TMEM131: variants seen among roughly 807,000 people sequenced by gnomAD.
TMEM131 encodes the protein 2610524E03Rik.
Under a neutral mutation model 211.6 loss-of-function variants are expected in TMEM131, and 66 were observed. The ratio of observed to expected loss-of-function variants is 0.31; its 90% CI spans 0.26 to 0.38. The LOEUF is 0.38. Among genes scored for constraint, TMEM131 ranks in the 10% least tolerant of loss-of-function variants. TMEM131 has a pLI of 1.00. For synonymous variants in TMEM131, 844 were observed against 841.3 expected (o/e 1.00, Z -0.06); for missense variants, 2,036 against 2,299.3 (o/e 0.89, Z 2.34).
intron 11 of TMEM131, among the ~76,000 whole-genome samples, chr2:97,831,490 T>C (rs1682685560): frequency 6.6e-6 from 1 of 152,130 alleles, no homozygotes; most frequent in South Asian, 2.1e-4. Flanking sequence ...AGTTTGGGCT[T>C]TGGATATTAT....
chr2:97,844,753 A>C (rs564228443), intron 5 of TMEM131, among the ~76,000 whole-genome samples: 1 of 152,292 alleles, frequency 6.6e-6, no homozygotes, highest in Non-Finnish European at 1.5e-5. Flanking sequence ...ATGTGCAGGA[A>C]CTCACTCCTG....
chr2:97,962,618 T>C (rs1384012686), intron 1 of TMEM131, among the ~76,000 whole-genome samples: 9 of 152,228 alleles, frequency 5.9e-5, no homozygotes. Context: ...CTGCTGGTAA[T>C]GGTTTGACAG....
chr2:97,783,288 AC>A (rs1163255593), intron 31 of TMEM131, among the ~76,000 whole-genome samples: 1 of 152,146 alleles, frequency 6.6e-6, no homozygotes, highest in Non-Finnish European at 1.5e-5. Flanking sequence ...TATCCAACAG[AC>A]CTACCCTAAA....
rs566118577 is a variant in TMEM131 at position 97,983,323 on chromosome 2, G to A, written c.187+12153C>T. 2.6e-5 allele frequency among the ~76,000 whole-genome samples: 4 copies of A among 152,286 alleles called. No homozygotes were observed. In the East Asian group the frequency reaches 7.7e-4, roughly 29 times the overall value. ...ACAAGTGGTGCCTGAATTCCAAAGGGAGGAGGGTATAATGAGACATGTCCG... is the reference window on the plus strand; with the variant it reads ...ACAAGTGGTGCCTGAATTCCAAAGGAAGGAGGGTATAATGAGACATGTCCG... On this transcript the variant is annotated intron_variant, in intron 1 of 40. Coordinates refer to ENST00000186436, the MANE Select transcript of TMEM131 (RefSeq NM_015348.2).
chr2:97,835,034 T>A, intron 8 of TMEM131, 109 bp from the exon 9 acceptor site: 1 of 1,126,016 alleles, frequency 8.9e-7, no homozygotes, highest in Non-Finnish European at 1.2e-6. Context: ...TCTATATACC[T>A]ATTAATAAAA....
intron 4 of TMEM131, among the ~76,000 whole-genome samples, chr2:97,886,015 C>G (rs931182696): frequency 6.6e-6 from 1 of 151,942 alleles, no homozygotes; most frequent in African/African-American, 2.4e-5. Flanking sequence ...TCTTCAAGTT[C>G]AGAAATTCTT....
intron 5 of TMEM131, among the ~76,000 whole-genome samples, chr2:97,855,488 C>A (rs1673803749): frequency 6.6e-6 from 1 of 152,124 alleles, no homozygotes. Flanking sequence ...TTGCTTGAGG[C>A]TAGGAGTTTG....
intron 31 of TMEM131, among the ~76,000 whole-genome samples, 164 bp from the exon 32 acceptor site, chr2:97,776,182 T>C (rs1266433007): frequency 6.6e-6 from 1 of 152,042 alleles, no homozygotes; most frequent in Non-Finnish European, 1.5e-5. Flanking sequence ...GCCTCCTGAG[T>C]AGCTGGGACT....
intron 7 of TMEM131, among the ~76,000 whole-genome samples, chr2:97,839,704 T>C (rs1254020711): frequency 6.6e-6 from 1 of 152,246 alleles, no homozygotes; most frequent in Non-Finnish European, 1.5e-5. Flanking sequence ...GGACTGCAAC[T>C]ATGCTGTCTA....
At chr2:97,880,373 T>G (rs927771480) in intron 4 of TMEM131, among the ~76,000 whole-genome samples, 1 of 152,164 alleles carries the variant, frequency 6.6e-6, no homozygotes, top group African/African-American at 2.4e-5. Context: ...GATTTTGATG[T>G]GAAAAACATT....
chr2:97,759,005 T>C lies in TMEM131; in HGVS notation c.5255A>G (p.Gln1752Arg). 2.5e-6 allele frequency: 4 copies of C among 1,614,078 alleles called. No individual in the cohort carries two copies. Among genetic ancestry groups the C allele is most frequent in the South Asian group, 1.1e-5 (1 of 91,092 alleles). ...GLSRSCNQASQRSWNEFNSGP... is the reference protein window; with the variant it reads ...GLSRSCNQASRRSWNEFNSGP... ...ACTATTAAACTCGTTCCAGCTCCTCTGTGAGGCCTGATTGCACGATCGAGA... is the reference window on the plus strand; with the variant it reads ...ACTATTAAACTCGTTCCAGCTCCTCCGTGAGGCCTGATTGCACGATCGAGA... The change falls in exon 40 of 41, where the codon CAG (glutamine) becomes CGG (arginine). Residue 1752 changes from glutamine to arginine, a missense_variant. Gln to Arg is a conservative substitution (Grantham distance 43). Coordinates refer to ENST00000186436, the MANE Select transcript of TMEM131 (RefSeq NM_015348.2).
chr2:97,817,143 A>G (rs1237835146), intron 12 of TMEM131, among the ~76,000 whole-genome samples: 1 of 152,064 alleles, frequency 6.6e-6, no homozygotes, highest in African/African-American at 2.4e-5. Context: ...AACACTAATG[A>G]CATCGCATTT....
chr2:97,866,873 T>C (rs2105206408), intron 4 of TMEM131, among the ~76,000 whole-genome samples: 1 of 152,328 alleles, frequency 6.6e-6, no homozygotes, highest in Admixed American at 6.5e-5. Flanking sequence ...CTTGGAACCA[T>C]GAGTGTTTTG....
Position 97,949,106 on chromosome 2 carries a change from G to A in TMEM131, c.188-21619C>T, listed in dbSNP as rs1678183105. On this transcript the variant is annotated intron_variant, in intron 1 of 40. Coordinates refer to ENST00000186436, the MANE Select transcript of TMEM131 (RefSeq NM_015348.2). The stretch of plus-strand genomic sequence containing the variant: ...CTTTATTTGTAATAGTTCAAAAGAG[G>A]AAACAACTCACATTCCCATCAACGG... Among the ~76,000 whole-genome samples the A allele has an allele frequency of 5.9e-5, 9 of 152,202 alleles. 1 individual carries two copies. The South Asian group carries it at 1.9e-3, about 32-fold the overall frequency.
intron 1 of TMEM131, among the ~76,000 whole-genome samples, chr2:97,961,136 T>TA (rs1179149824): frequency 0.028 from 3,850 of 135,566 alleles, 68 homozygotes; most frequent in Middle Eastern, 0.056. Context: ...AAACACTATC[T>TA]AAAAAAAAAA....
In TMEM131 at chr2:97,833,402, T is replaced by C. The variant is rs1682796641; in HGVS notation, c.1037A>G (p.His346Arg). The change falls in exon 11 of 41, where the codon CAT becomes CGT. Residue 346 changes from histidine to arginine, a missense_variant. Transcript: ENST00000186436. ...TQDLPKVLNLHLLNSGTKDVP... is the reference protein window; with the variant it reads ...TQDLPKVLNLRLLNSGTKDVP... ...ATCTTTTGTTCCTGAATTTAATAAA[T>C]GAAGGTTTAAAACTTTTGGTAGATC... 7.4e-7 allele frequency: 1 copy of C among 1,353,042 alleles called. No individual in the cohort carries two copies. The highest frequency in any genetic ancestry group is 2.1e-5 in the Admixed American group (1 of 47,802). The allele number at this position is 1,353,042 out of a possible 1,614,324, so 83.8% of individuals were successfully genotyped here.
At chr2:97,777,099 G>C (rs1679773505) in intron 31 of TMEM131, among the ~76,000 whole-genome samples, 1 of 152,066 alleles carries the variant, frequency 6.6e-6, no homozygotes, top group African/African-American at 2.4e-5. Flanking sequence ...CAAACAACAA[G>C]CAAGCTCCTG....
At chr2:97,986,240 A>G (rs1465852821) in intron 1 of TMEM131, among the ~76,000 whole-genome samples, 1 of 152,202 alleles carries the variant, frequency 6.6e-6, no homozygotes, top group African/African-American at 2.4e-5. Context: ...CAGTGTGGGG[A>G]AGTAAGCACA....
At chr2:97,849,273 G>T (rs1683585704) in intron 5 of TMEM131, among the ~76,000 whole-genome samples, 1 of 152,136 alleles carries the variant, frequency 6.6e-6, no homozygotes, top group Non-Finnish European at 1.5e-5. Context: ...TATTTACAGT[G>T]AGTTTATTTA....
Sources: gnomAD v4.1 joint callset for allele counts (sites outside exome capture counted in the v4.1 genomes callset) on GRCh38, gnomAD v4.1.1 for gene constraint, MANE v1.5 for transcripts, NCBI Gene and HGNC (gene_info 2026-07-23, HGNC 2026-07-21) for gene names.